SERPINI1: variants seen among roughly 807,000 people sequenced by gnomAD.
The protein encoded by SERPINI1 is neuroserpin.
A neutral mutation model predicts 41.1 loss-of-function variants in SERPINI1; 19 were observed. That is an observed-to-expected ratio of 0.46 (90% CI 0.32 to 0.68). SERPINI1 has a LOEUF of 0.68. SERPINI1 is among the 30% of genes least tolerant of loss of function. The probability of loss-of-function intolerance (pLI) is 0.03; values close to 1 mark genes in which losing one functional copy is unlikely to be tolerated. For missense variants in SERPINI1, 460 were observed against 479.2 expected, an observed-to-expected ratio of 0.96 and a Z score of 0.37; for synonymous variants, 138 against 156.6, an observed-to-expected ratio of 0.88 and a Z score of 0.89.
intron 1 of SERPINI1, among the ~76,000 whole-genome samples, chr3:167,772,516 G>A (rs936220899): frequency 6.6e-5 from 10 of 152,024 alleles, no homozygotes; most frequent in Admixed American, 6.5e-5. Context: ...TAGCTGTATA[G>A]ATCTCTTATG....
At chr3:167,789,022 T>C in intron 1 of SERPINI1, 89 bp from the exon 2 acceptor site, 1 of 1,321,650 alleles carries the variant, frequency 7.6e-7, no homozygotes, top group Admixed American at 1.9e-5. Context: ...TAATTGACTT[T>C]TTAAAAGTAG....
chr3:167,804,000 T>C (rs62279605), intron 5 of SERPINI1, among the ~76,000 whole-genome samples: 27 of 152,184 alleles, frequency 1.8e-4, no homozygotes, highest in Non-Finnish European at 3.5e-4. Flanking sequence ...AAATAAATAG[T>C]AGCAATAAGC....
chr3:167,764,152 A>T (rs953505109), intron 1 of SERPINI1, among the ~76,000 whole-genome samples: 1 of 152,156 alleles, frequency 6.6e-6, no homozygotes, highest in Non-Finnish European at 1.5e-5. Context: ...CAAAAAGAAA[A>T]CTGACCACAG....
At position 167,814,888 on chromosome 3, in the gene SERPINI1, C is replaced by T. The variant is rs541795786; in HGVS notation, c.979+7547C>T. On this transcript the variant is annotated intron_variant, in intron 6 of 8. Transcript: ENST00000446050. ...GAAAGTAGGACCAGTCATTTGGCAGCACTGTCTGCTGTGGCCAGAAGGAAA... is the reference window on the plus strand; with the variant it reads ...GAAAGTAGGACCAGTCATTTGGCAGTACTGTCTGCTGTGGCCAGAAGGAAA... Among the ~76,000 whole-genome samples the T allele has an allele frequency of 5.9e-5, 9 of 151,790 alleles. No individual in the cohort carries two copies. The South Asian group carries it at 1.0e-3, about 18-fold the overall frequency.
At position 167,825,494 on chromosome 3, in the gene SERPINI1, A is replaced by T; in HGVS notation, c.*171A>T. ...TAACTTGTCAAGGAATGTTATCAGTATTAAGCTAATGGTCCTGTTATGTCA... is the reference window on the plus strand; with the variant it reads ...TAACTTGTCAAGGAATGTTATCAGTTTTAAGCTAATGGTCCTGTTATGTCA... On this transcript the variant is annotated 3_prime_UTR_variant, in exon 9 of 9. Coordinates refer to ENST00000446050, the MANE Select transcript of SERPINI1 (RefSeq NM_001122752.2). The T allele has an allele frequency of 1.7e-6, 1 of 604,076 alleles. No individual in the cohort carries two copies. Among genetic ancestry groups the T allele is most frequent in the Non-Finnish European group, 3.0e-6 (1 of 336,218 alleles). 37.4% of individuals were successfully genotyped at this position (604,076 alleles called of 1,614,324 possible).
intron 5 of SERPINI1, 114 bp downstream of exon 5, chr3:167,794,938 C>T: frequency 1.3e-6 from 1 of 786,150 alleles, no homozygotes; most frequent in Non-Finnish European, 2.2e-6. Flanking sequence ...GTGCCACTCT[C>T]TTCTTATTCT....
intron 2 of SERPINI1, 32 bp from the exon 3 acceptor site, chr3:167,790,340 T>C: frequency 4.1e-6 from 6 of 1,481,212 alleles, no homozygotes; most frequent in Non-Finnish European, 5.7e-6. Context: ...GTGTTTGTTC[T>C]ACAAATAAAC....
At chr3:167,770,237 TC>T (rs1726703319) in intron 1 of SERPINI1, among the ~76,000 whole-genome samples, 1 of 152,014 alleles carries the variant, frequency 6.6e-6, no homozygotes, top group African/African-American at 2.4e-5. Flanking sequence ...CATGATTTTT[TC>T]CTGGAACTTT....
intron 1 of SERPINI1, among the ~76,000 whole-genome samples, chr3:167,767,591 G>A (rs1726607588): frequency 6.6e-6 from 1 of 152,146 alleles, no homozygotes; most frequent in African/African-American, 2.4e-5. Flanking sequence ...TTTCTGGAAA[G>A]GATTCACTAG....
At chr3:167,766,274 G>A (rs1188883376) in intron 1 of SERPINI1, among the ~76,000 whole-genome samples, 1 of 151,696 alleles carries the variant, frequency 6.6e-6, no homozygotes, top group Non-Finnish European at 1.5e-5. Context: ...CACATGACTG[G>A]AGAGGCTTCA....
In SERPINI1 at chr3:167,805,292, C is replaced by T. The variant is rs149660685; in HGVS notation, c.882-1952C>T. The stretch of plus-strand genomic sequence containing the variant: ...GTGGTTTTTGTTTTCATTTCTCTAA[C>T]GACCAGTGATGATGAGCTTTTCTTC... On this transcript the variant is annotated intron_variant, in intron 5 of 8. Transcript: ENST00000446050. 3.3e-3 allele frequency among the ~76,000 whole-genome samples: 503 copies of T among 152,198 alleles called. 2 individuals are homozygous for T. The highest frequency in any genetic ancestry group is 0.011 in the African/African-American group (469 of 41,540).
At chr3:167,760,564 TGTG>T (rs1726343795) in intron 1 of SERPINI1, among the ~76,000 whole-genome samples, 16 of 1,138 alleles carry the variant, frequency 0.014, no homozygotes, top group Admixed American at 0.051. Context: ...CTCCAAATTG[TGTG>T]TGTGTGTGTG....
intron 1 of SERPINI1, among the ~76,000 whole-genome samples, chr3:167,770,395 C>T (rs1432732973): frequency 1.3e-5 from 2 of 151,958 alleles, no homozygotes; most frequent in African/African-American, 4.8e-5. Flanking sequence ...TCTTTTAAAA[C>T]CACTGATTTG....
intron 1 of SERPINI1, among the ~76,000 whole-genome samples, chr3:167,776,891 A>G (rs944257501): frequency 2.0e-5 from 3 of 152,252 alleles, no homozygotes; most frequent in Non-Finnish European, 4.4e-5. Context: ...AACTTGAGTC[A>G]GACTCCTCTG....
chr3:167,781,636 T>G lies in SERPINI1; in HGVS notation c.-18-7475T>G, dbSNP rs983950786. Among the ~76,000 whole-genome samples, 10 of 63,170 alleles carry G rather than the reference T, an allele frequency of 1.6e-4. No individual in the cohort carries two copies. The South Asian group carries it at 2.4e-3, about 15-fold the overall frequency. 41.4% of individuals were successfully genotyped at this position (63,170 alleles called of 152,430 possible). A position where few individuals can be genotyped will look rare whatever the true frequency, so the allele number is the denominator to read the frequency against. On this transcript the variant is annotated intron_variant, in intron 1 of 8. Coordinates refer to ENST00000446050, the MANE Select transcript of SERPINI1 (RefSeq NM_001122752.2). ...TCTCCCTAGTTATTTCTTTTGGCCTTTTTTTTTTTTTTTTTTTTTTTTTAC... is the reference window on the plus strand; with the variant it reads ...TCTCCCTAGTTATTTCTTTTGGCCTGTTTTTTTTTTTTTTTTTTTTTTTAC...
chr3:167,807,277 T>C lies in SERPINI1; in HGVS notation c.915T>C (p.Asp305=), dbSNP rs1711680983. The C allele has an allele frequency of 6.2e-7, 1 of 1,612,812 alleles. No individual in the cohort carries two copies. The highest frequency in any genetic ancestry group is 1.1e-5 in the South Asian group (1 of 91,050). ...FTVEQEIDLK[D]VLKALGITEI... Reference sequence around the variant, plus strand: ...TGGAACAGGAAATTGATTTAAAAGATGTTTTGAAGGCTCTTGGAATAACTG... The same window carrying C: ...TGGAACAGGAAATTGATTTAAAAGACGTTTTGAAGGCTCTTGGAATAACTG... The change falls in exon 6 of 9, where the codon GAT becomes GAC. Residue 305 remains aspartate, a synonymous_variant. Coordinates refer to ENST00000446050, the MANE Select transcript of SERPINI1 (RefSeq NM_001122752.2).
intron 1 of SERPINI1, among the ~76,000 whole-genome samples, chr3:167,765,235 C>T (rs1206569188): frequency 6.6e-6 from 1 of 152,228 alleles, no homozygotes. Flanking sequence ...GCATGAGAGT[C>T]CCACCCCTGC....
At chr3:167,747,410 C>T (rs1483925028) in intron 1 of SERPINI1, among the ~76,000 whole-genome samples, 3 of 152,040 alleles carry the variant, frequency 2.0e-5, no homozygotes, top group African/African-American at 7.2e-5. Flanking sequence ...TTTGGGAGGC[C>T]GAGGCAGGCG....
intron 6 of SERPINI1, among the ~76,000 whole-genome samples, chr3:167,808,237 GA>G (rs1317252468): frequency 6.7e-6 from 1 of 149,402 alleles, no homozygotes; most frequent in Non-Finnish European, 1.5e-5. Flanking sequence ...AATATCCCAA[GA>G]AAAAAATCCA....
Sources: gnomAD v4.1 joint callset for allele counts (sites outside exome capture counted in the v4.1 genomes callset) on GRCh38, gnomAD v4.1.1 for gene constraint, MANE v1.5 for transcripts, NCBI Gene and HGNC (gene_info 2026-07-23, HGNC 2026-07-21) for gene names.